Variants in ZCCHC24 observed in about 807,000 individuals in gnomAD.
ZCCHC24 encodes zinc finger CCHC domain-containing protein 24.
A neutral mutation model predicts 26.2 loss-of-function variants in ZCCHC24; 10 were observed. That is an observed-to-expected ratio of 0.38 (90% CI 0.24 to 0.65). The LOEUF (loss-of-function observed/expected upper bound fraction) is 0.65, where lower values mean the gene tolerates loss of function less well. Among genes scored for constraint, ZCCHC24 ranks in the 30% least tolerant of loss-of-function variants. ZCCHC24 has a pLI of 0.54. For missense variants in ZCCHC24, 243 were observed against 329.1 expected (o/e 0.74, Z 2.03); for synonymous variants, 144 against 147.1 (o/e 0.98, Z 0.15).
chr10:79,400,030 A>G (rs1335488505), intron 2 of ZCCHC24, among the ~76,000 whole-genome samples: 1 of 152,200 alleles, frequency 6.6e-6, no homozygotes, highest in Non-Finnish European at 1.5e-5. Context: ...TTCCAACTCT[A>G]CAGTCCTCCC....
intron 2 of ZCCHC24, among the ~76,000 whole-genome samples, chr10:79,418,535 G>A (rs1856895026): frequency 6.6e-6 from 1 of 152,250 alleles, no homozygotes. Flanking sequence ...GGGCATAGAA[G>A]GGCATAGGGG....
intron 2 of ZCCHC24, among the ~76,000 whole-genome samples, chr10:79,398,184 C>T (rs765944238): frequency 2.6e-5 from 4 of 152,190 alleles, no homozygotes; most frequent in Non-Finnish European, 4.4e-5. Flanking sequence ...GGCTCCAACA[C>T]GCCATTGCAT....
chr10:79,414,137 T>C (rs961351037), intron 2 of ZCCHC24, among the ~76,000 whole-genome samples: 3 of 152,232 alleles, frequency 2.0e-5, no homozygotes, highest in Non-Finnish European at 4.4e-5. Flanking sequence ...ATCACCACCT[T>C]GTCTCAAGGA....
Position 79,386,151 on chromosome 10 carries a change from T to TG in ZCCHC24, c.*193dup, listed in dbSNP as rs1456305681. On this transcript the variant is annotated 3_prime_UTR_variant, in exon 4 of 4. Transcript: ENST00000372336. ...CAGACTCCCTGCTTTCCCTGGCCTGTGGGGGGCAGCAATGTCAGTAACACT... is the reference window on the plus strand; with the variant it reads ...CAGACTCCCTGCTTTCCCTGGCCTGTGGGGGGGCAGCAATGTCAGTAACACT... 4.9e-6 allele frequency: 3 copies of TG among 609,908 alleles called. No individual in the cohort carries two copies. Among genetic ancestry groups the TG allele is most frequent in the East Asian group, 2.8e-5 (1 of 36,096 alleles). The allele number at this position is 609,908 out of a possible 1,614,324, so 37.8% of individuals were successfully genotyped here.
At position 79,403,585 on chromosome 10, in the gene ZCCHC24, G is replaced by A. The variant is rs1314071850; in HGVS notation, c.448-9145C>T. The A allele has an allele frequency of 1.3e-5, 13 of 985,276 alleles. 1 individual carries two copies. In the South Asian group the frequency reaches 1.9e-4, roughly 14 times the overall value. The allele number at this position is 985,276 out of a possible 1,614,324, so 61.0% of individuals were successfully genotyped here. On this transcript the variant is annotated intron_variant, in intron 2 of 3. Coordinates refer to ENST00000372336, the MANE Select transcript of ZCCHC24 (RefSeq NM_153367.4). ...GGATGCTGGGAGGGAGGAAGGACGC[G>A]GCAAGAGGCCACCCGGGGCTTCCTC...
chr10:79,425,560 C>A (rs143465771), intron 2 of ZCCHC24, among the ~76,000 whole-genome samples: 1 of 152,166 alleles, frequency 6.6e-6, no homozygotes, highest in Non-Finnish European at 1.5e-5. Flanking sequence ...AAAAAGCATG[C>A]GCTCTGGAAT....
At chr10:79,441,061 C>A (rs1231091927) in intron 1 of ZCCHC24, among the ~76,000 whole-genome samples, 1 of 145,122 alleles carries the variant, frequency 6.9e-6, no homozygotes, top group East Asian at 2.1e-4. Flanking sequence ...TACTCTCAGG[C>A]CCTGGAGCTG....
At chr10:79,430,964 G>A (rs942013567) in intron 2 of ZCCHC24, among the ~76,000 whole-genome samples, 6 of 152,134 alleles carry the variant, frequency 3.9e-5, no homozygotes, top group Admixed American at 2.0e-4. Flanking sequence ...TTCCTCCCTC[G>A]AAGCATCTGT....
intron 1 of ZCCHC24, among the ~76,000 whole-genome samples, chr10:79,443,506 A>T (rs190382992): frequency 3.2e-4 from 48 of 151,938 alleles, no homozygotes; most frequent in African/African-American, 1.1e-3. Context: ...TCCCACAAGC[A>T]CCCCCATCAA....
chr10:79,422,165 C>T (rs1284294916), intron 2 of ZCCHC24, among the ~76,000 whole-genome samples: 1 of 152,216 alleles, frequency 6.6e-6, no homozygotes, highest in Non-Finnish European at 1.5e-5. Flanking sequence ...TCCTCTATCC[C>T]TATGCCACTC....
At chr10:79,389,655 G>T (rs746638667) in intron 3 of ZCCHC24, among the ~76,000 whole-genome samples, 1 of 151,518 alleles carries the variant, frequency 6.6e-6, no homozygotes. Context: ...CATTTCTGTT[G>T]CCTAGGCTGG....
chr10:79,407,707 C>T (rs1252127720), intron 2 of ZCCHC24, among the ~76,000 whole-genome samples: 1 of 152,186 alleles, frequency 6.6e-6, no homozygotes, highest in Non-Finnish European at 1.5e-5. Context: ...AACTGAGGCA[C>T]AGAGAAGGCA....
chr10:79,438,083 A>C (rs1857239343), intron 1 of ZCCHC24, among the ~76,000 whole-genome samples: 1 of 152,156 alleles, frequency 6.6e-6, no homozygotes. Context: ...GGCAGAAGCA[A>C]GGGCTGAGTC....
chr10:79,425,370 C>A (rs890554521), intron 2 of ZCCHC24, among the ~76,000 whole-genome samples: 1 of 152,234 alleles, frequency 6.6e-6, no homozygotes, highest in Non-Finnish European at 1.5e-5. Flanking sequence ...CACCCTGAGG[C>A]TGGGTGGTGA....
chr10:79,402,217 G>A (rs1269686505), intron 2 of ZCCHC24, among the ~76,000 whole-genome samples: 3 of 152,164 alleles, frequency 2.0e-5, no homozygotes, highest in African/African-American at 7.2e-5. Context: ...GAGGTCAGAG[G>A]TCCAGGTTGG....
intron 2 of ZCCHC24, among the ~76,000 whole-genome samples, chr10:79,399,994 G>A (rs1226485246): frequency 1.3e-5 from 2 of 152,214 alleles, no homozygotes; most frequent in East Asian, 1.9e-4. Context: ...TGGTCAGGCA[G>A]GTGGATCTGG....
chr10:79,403,283 C>G (rs1488680490), intron 2 of ZCCHC24: 10 of 629,498 alleles, frequency 1.6e-5, no homozygotes, highest in Non-Finnish European at 2.0e-5. Flanking sequence ...AATCAGCACT[C>G]TTAACCCTAA....
intron 2 of ZCCHC24, among the ~76,000 whole-genome samples, chr10:79,404,636 T>A (rs1007355753): frequency 6.6e-6 from 1 of 152,090 alleles, no homozygotes; most frequent in Non-Finnish European, 1.5e-5. Flanking sequence ...CCTCTTTGGG[T>A]CCCGTTTGCT....
rs1227052912 is a variant in ZCCHC24, at chr10:79,445,177, G to C, written c.246+18C>G. On this transcript the variant is annotated intron_variant, in intron 1 of 3. Transcript: ENST00000372336. ...TGGGGCGGTGGGGCGGTGGGCGGGGGCGCGCGGGGGCACCCACCTCTCCGC... is the reference window on the plus strand; with the variant it reads ...TGGGGCGGTGGGGCGGTGGGCGGGGCCGCGCGGGGGCACCCACCTCTCCGC... 1.6e-6 allele frequency: 2 copies of C among 1,269,572 alleles called. No individual in the cohort carries two copies. The highest frequency in any genetic ancestry group is 6.3e-5 in the East Asian group (2 of 31,534). The allele number at this position is 1,269,572 out of a possible 1,614,324, so 78.6% of individuals were successfully genotyped here. A position where few individuals can be genotyped will look rare whatever the true frequency, so the allele number is the denominator to read the frequency against.
Sources: gnomAD v4.1 joint callset for allele counts (sites outside exome capture counted in the v4.1 genomes callset) on GRCh38, gnomAD v4.1.1 for gene constraint, MANE v1.5 for transcripts, NCBI Gene and HGNC (gene_info 2026-07-23, HGNC 2026-07-21) for gene names.